The following FKBP9 variants were observed in gnomAD, a reference collection of about 807,000 sequenced individuals.
The protein encoded by FKBP9 is peptidyl-prolyl cis-trans isomerase FKBP9.
Under a neutral mutation model 55.6 loss-of-function variants are expected in FKBP9, and 27 were observed. The ratio of observed to expected loss-of-function variants is 0.49; its 90% CI spans 0.36 to 0.67. The LOEUF is 0.67. Among genes scored for constraint, FKBP9 ranks in the 30% least tolerant of loss-of-function variants. The probability of loss-of-function intolerance (pLI) is 0.00; values close to 1 mark genes in which losing one functional copy is unlikely to be tolerated. For missense variants in FKBP9, 539 were observed against 742.8 expected (o/e 0.73, Z 3.19); for synonymous variants, 267 against 296.5 (o/e 0.90, Z 1.02).
At chr7:33,003,410 T>C (rs1362508379) in intron 9 of FKBP9, among the ~76,000 whole-genome samples, 1 of 152,238 alleles carries the variant, frequency 6.6e-6, no homozygotes, top group Admixed American at 6.5e-5. Flanking sequence ...CTCATTTGCA[T>C]ACAAATGTGC....
chr7:33,005,701 T>A lies in FKBP9; in HGVS notation c.*350T>A, dbSNP rs180993789. On this transcript the variant is annotated 3_prime_UTR_variant, in exon 10 of 10. Transcript: ENST00000242209. ...AGTTATAATCATCTTGGAGGAACCATAAGAAAAGGTGTCCAGGGTATCTAT... is the reference window on the plus strand; with the variant it reads ...AGTTATAATCATCTTGGAGGAACCAAAAGAAAAGGTGTCCAGGGTATCTAT... The A allele has an allele frequency of 1.4e-3, 354 of 254,972 alleles. 1 individual carries two copies. The highest frequency in any genetic ancestry group is 1.5e-3 in the Non-Finnish European group (204 of 132,138). 15.8% of individuals were successfully genotyped at this position (254,972 alleles called of 1,614,324 possible). A position where few individuals can be genotyped will look rare whatever the true frequency, so the allele number is the denominator to read the frequency against.
rs188097830 is a variant in FKBP9 at position 32,997,516 on chromosome 7, C to T, written c.1226+1167C>T. 1.2e-4 allele frequency among the ~76,000 whole-genome samples: 18 copies of T among 152,278 alleles called. No individual in the cohort carries two copies. In the East Asian group the frequency reaches 2.7e-3, roughly 23 times the overall value. Reference sequence around the variant, plus strand: ...ACAGATTTGAGCCGTCATGCCCAGCCGAACTGCTTTCTTTAAAAATTGATG... The same window carrying T: ...ACAGATTTGAGCCGTCATGCCCAGCTGAACTGCTTTCTTTAAAAATTGATG... On this transcript the variant is annotated intron_variant, in intron 7 of 9. Transcript: ENST00000242209.
intron 5 of FKBP9, among the ~76,000 whole-genome samples, chr7:32,982,715 T>C (rs1459173568): frequency 6.6e-6 from 1 of 152,238 alleles, no homozygotes; most frequent in Non-Finnish European, 1.5e-5. Flanking sequence ...TACACCAGAT[T>C]TCTGTTCATA....
intron 1 of FKBP9, among the ~76,000 whole-genome samples, chr7:32,966,769 G>T (rs1442059316): frequency 6.6e-6 from 1 of 152,114 alleles, no homozygotes; most frequent in Non-Finnish European, 1.5e-5. Flanking sequence ...CATGGTGGAA[G>T]GGAAAAGGGG....
intron 5 of FKBP9, among the ~76,000 whole-genome samples, chr7:32,983,149 T>G (rs6945858): frequency 0.12 from 17,755 of 151,736 alleles, 1,386 homozygotes; most frequent in East Asian, 0.41. Flanking sequence ...TCAGCCTCCT[T>G]AGTAGCTAGG....
intron 1 of FKBP9, among the ~76,000 whole-genome samples, chr7:32,967,675 C>T (rs184335639): frequency 1.3e-5 from 2 of 152,248 alleles, no homozygotes; most frequent in South Asian, 2.1e-4. Flanking sequence ...TATTGTAAAT[C>T]GTGCTGAGTT....
chr7:32,958,426 T>A, intron 1 of FKBP9, among the ~76,000 whole-genome samples: 1 of 152,360 alleles, frequency 6.6e-6, no homozygotes, highest in Non-Finnish European at 1.5e-5. Flanking sequence ...GTTTAAACAA[T>A]GGAGTCAGAT....
intron 2 of FKBP9, 40 bp from the exon 3 acceptor site, chr7:32,975,142 G>A (rs766776244): frequency 6.5e-7 from 1 of 1,548,502 alleles, no homozygotes; most frequent in Non-Finnish European, 8.9e-7. Flanking sequence ...GGCCTGAAAG[G>A]CAGCAACTGT....
At chr7:32,972,682 T>C (rs1784276560) in intron 1 of FKBP9, among the ~76,000 whole-genome samples, 1 of 152,186 alleles carries the variant, frequency 6.6e-6, no homozygotes, top group South Asian at 2.1e-4. Context: ...TATATGTAAG[T>C]TGAAAACGGA....
Position 33,005,536 on chromosome 7 carries a change from C to T in FKBP9, c.*185C>T, listed in dbSNP as rs964929747. The T allele has an allele frequency of 2.6e-5, 16 of 626,348 alleles. No homozygotes were observed. The highest frequency in any genetic ancestry group is 1.5e-4 in the South Asian group (7 of 46,784). 38.8% of individuals were successfully genotyped at this position (626,348 alleles called of 1,614,324 possible). ...TATGGGGTGAGAAGTTTGGGCTGAT[C>T]GCCAGTGATAGTAAACAAAATCTGT... On this transcript the variant is annotated 3_prime_UTR_variant, in exon 10 of 10. Coordinates refer to ENST00000242209, the MANE Select transcript of FKBP9 (RefSeq NM_007270.5).
chr7:33,005,578 T>C lies in FKBP9; in HGVS notation c.*227T>C. 3.8e-6 allele frequency: 2 copies of C among 522,416 alleles called. No homozygotes were observed. Among genetic ancestry groups the C allele is most frequent in the Non-Finnish European group, 7.0e-6 (2 of 287,164 alleles). 32.4% of individuals were successfully genotyped at this position (522,416 alleles called of 1,614,324 possible). A position where few individuals can be genotyped will look rare whatever the true frequency, so the allele number is the denominator to read the frequency against. On this transcript the variant is annotated 3_prime_UTR_variant, in exon 10 of 10. Transcript: ENST00000242209. ...AAAATCTGTGCAGAGGGCCTTAGCA[T>C]GGGATGTGTCCAGTATTGAAAAGGC...
At chr7:32,986,297 C>T (rs1448906903) in intron 5 of FKBP9, among the ~76,000 whole-genome samples, 11 of 152,350 alleles carry the variant, frequency 7.2e-5, no homozygotes, top group South Asian at 2.1e-4. Context: ...CAGCAATCCC[C>T]GCTGTGGGTA....
At chr7:32,975,434 C>G in intron 3 of FKBP9, 63 bp downstream of exon 3, 1 of 1,394,518 alleles carries the variant, frequency 7.2e-7, no homozygotes. Context: ...TTCCTTCTGT[C>G]TTACTTGCTT....
At position 32,957,707 on chromosome 7, in the gene FKBP9, A is replaced by G. The variant is rs766294745; in HGVS notation, c.134A>G (p.Asp45Gly). 7.1e-6 allele frequency: 11 copies of G among 1,544,144 alleles called. No homozygotes were observed. The South Asian group carries it at 9.5e-5, about 13-fold the overall frequency. The part of the protein sequence containing the change: ...ELQIERRFVP[D>G]ECPRTVRSGD... ...CAGATCGAGCGGCGCTTCGTGCCCG[A>G]CGAGTGCCCGCGCACCGTGCGCAGC... The change falls in exon 1 of 10, where the codon GAC becomes GGC. Residue 45 changes from aspartate to glycine, a missense_variant. This residue lies in a region of FKBP9 where 236 missense variants were observed against 271.5 expected (regional missense o/e 0.87). Coordinates refer to ENST00000242209, the MANE Select transcript of FKBP9 (RefSeq NM_007270.5).
At chr7:32,975,441 G>C in intron 3 of FKBP9, 70 bp downstream of exon 3, 1 of 1,265,834 alleles carries the variant, frequency 7.9e-7, no homozygotes, top group Non-Finnish European at 1.1e-6. Flanking sequence ...TGTCTTACTT[G>C]CTTTTTATGC....
intron 1 of FKBP9, among the ~76,000 whole-genome samples, chr7:32,967,564 T>G (rs1173324816): frequency 6.6e-6 from 1 of 152,252 alleles, no homozygotes; most frequent in Admixed American, 6.5e-5. Context: ...TAGGATTTCC[T>G]TCCTTTTTAA....
At chr7:33,000,788 T>C (rs1395714917) in intron 8 of FKBP9, among the ~76,000 whole-genome samples, 2 of 151,390 alleles carry the variant, frequency 1.3e-5, no homozygotes, top group Admixed American at 6.6e-5. Context: ...TCAATAACTT[T>C]TTTTTTTTCA....
intron 7 of FKBP9, 25 bp from the exon 8 acceptor site, chr7:33,000,085 CTAACA>C: frequency 6.2e-7 from 1 of 1,614,032 alleles, no homozygotes; most frequent in Non-Finnish European, 8.5e-7. Flanking sequence ...GGTTGGTGAC[CTAACA>C]TGAGGCTCTT....
chr7:32,957,758 T>TG lies in FKBP9; in HGVS notation c.189dup (p.Thr64AspfsTer13), dbSNP rs764508336. 2.7e-6 allele frequency: 4 copies of TG among 1,492,072 alleles called. No individual in the cohort carries two copies. The highest frequency in any genetic ancestry group is 3.6e-6 in the Non-Finnish European group (4 of 1,124,682). 92.4% of individuals were successfully genotyped at this position (1,492,072 alleles called of 1,614,324 possible). On this transcript the variant is annotated frameshift_variant, in exon 1 of 10. Coordinates refer to ENST00000242209, the MANE Select transcript of FKBP9 (RefSeq NM_007270.5). LOFTEE classifies it high-confidence loss of function. ...GGCGACTTCGTGCGCTACCACTACG[T>TG]GGGGACGTTCCCCGACGGCCAGAAG... is the stretch of plus-strand genomic sequence containing the variant.
Sources: allele counts gnomAD v4.1 joint callset (sites outside exome capture counted in the v4.1 genomes callset), GRCh38; gene constraint gnomAD v4.1.1; regional missense constraint gnomAD v4.1.1; transcripts MANE v1.5; gene names NCBI Gene and HGNC (gene_info 2026-07-23, HGNC 2026-07-21).